RIT2: variants seen among roughly 807,000 people sequenced by gnomAD.
RIT2 encodes GTP-binding protein Rit2.
In RIT2, 24 loss-of-function variants were observed where a neutral mutation model predicts 23.7. The ratio of observed to expected loss-of-function variants is 1.01; its 90% CI spans 0.73 to 1.43. RIT2 has a LOEUF of 1.43. Among genes scored for constraint, RIT2 ranks in the 40% most tolerant of loss-of-function variants. RIT2 has a pLI of 0.00. For synonymous variants in RIT2, 107 were observed against 91.1 expected, an observed-to-expected ratio of 1.17 and a Z score of -0.99; for missense variants, 236 against 266.9, an observed-to-expected ratio of 0.88 and a Z score of 0.81.
At chr18:42,991,243 T>C (rs1045259472) in intron 2 of RIT2, among the ~76,000 whole-genome samples, 2 of 151,998 alleles carry the variant, frequency 1.3e-5, no homozygotes, top group Admixed American at 6.6e-5. Flanking sequence ...CCAATGAAAA[T>C]GTTGATTCAA....
At position 42,920,630 on chromosome 18, in the gene RIT2, T is replaced by C; in HGVS notation, c.426+2942A>G. ...CGTTGTCTTTTTGTTTTTTTTCTTTTTATCTTTTTTAGAAAGGGCCCTGGG... is the reference window on the plus strand; with the variant it reads ...CGTTGTCTTTTTGTTTTTTTTCTTTCTATCTTTTTTAGAAAGGGCCCTGGG... On this transcript the variant is annotated intron_variant, in intron 4 of 4. Coordinates refer to ENST00000326695, the MANE Select transcript of RIT2 (RefSeq NM_002930.4). 6 of 1,103,092 alleles carry C rather than the reference T, an allele frequency of 5.4e-6. 1 individual carries two copies. The South Asian group carries it at 8.1e-5, about 15-fold the overall frequency. The allele number at this position is 1,103,092 out of a possible 1,614,324, so 68.3% of individuals were successfully genotyped here.
At chr18:42,800,989 G>A (rs567153048) in intron 4 of RIT2, among the ~76,000 whole-genome samples, 17 of 151,914 alleles carry the variant, frequency 1.1e-4, no homozygotes, top group Non-Finnish European at 2.1e-4. Flanking sequence ...GTAGGTTTCC[G>A]TAGCACCAAT....
chr18:42,989,579 T>G lies in RIT2; in HGVS notation c.161-15432A>C, dbSNP rs151287288. ...CATTAATTTTCTTACACTAAGTTAT[T>G]AAAAGCCATGGTTCATATTACACTT... is the stretch of plus-strand genomic sequence containing the variant. On this transcript the variant is annotated intron_variant, in intron 2 of 4. Transcript: ENST00000326695. Among the ~76,000 whole-genome samples, 491 of 152,292 alleles carry G rather than the reference T, an allele frequency of 3.2e-3. 4 individuals are homozygous for G. The highest frequency in any genetic ancestry group is 0.011 in the African/African-American group (477 of 41,566).
At chr18:43,094,135 T>TTTTTTTTTTTTTTTTTTTG (rs1568080522) in intron 1 of RIT2, among the ~76,000 whole-genome samples, 1 of 145,512 alleles carries the variant, frequency 6.9e-6, no homozygotes. Context: ...TTTTTTTTTT[T>TTTTTTTTTTTTTTTTTTTG]TTTTTCACTT....
intron 3 of RIT2, among the ~76,000 whole-genome samples, chr18:42,970,450 G>T (rs1027719010): frequency 1.3e-5 from 2 of 151,980 alleles, no homozygotes; most frequent in African/African-American, 4.8e-5. Context: ...TGGGATTATT[G>T]TGGCACTGCA....
chr18:42,849,637 G>A (rs1171523421), intron 4 of RIT2, among the ~76,000 whole-genome samples: 1 of 152,182 alleles, frequency 6.6e-6, no homozygotes, highest in African/African-American at 2.4e-5. Flanking sequence ...AAGTTTGAGA[G>A]TGGACTTCAA....
At chr18:42,993,505 C>A (rs967335437) in intron 2 of RIT2, among the ~76,000 whole-genome samples, 5 of 152,158 alleles carry the variant, frequency 3.3e-5, no homozygotes, top group Non-Finnish European at 4.4e-5. Context: ...GTTTCCCTTG[C>A]CTCCATAACT....
intron 1 of RIT2, among the ~76,000 whole-genome samples, chr18:43,110,921 T>G (rs1229211397): frequency 6.6e-6 from 1 of 152,138 alleles, no homozygotes; most frequent in African/African-American, 2.4e-5. Flanking sequence ...ATATTTACTA[T>G]AGGAAAACAA....
intron 3 of RIT2, among the ~76,000 whole-genome samples, chr18:42,945,707 T>C (rs968442270): frequency 6.6e-6 from 1 of 152,148 alleles, no homozygotes; most frequent in African/African-American, 2.4e-5. Context: ...TTTTAAAACA[T>C]GCATGCATTT....
intron 3 of RIT2, among the ~76,000 whole-genome samples, chr18:42,951,351 C>A (rs757892727): frequency 1.3e-5 from 2 of 151,968 alleles, no homozygotes; most frequent in Non-Finnish European, 2.9e-5. Context: ...CATATGTTCT[C>A]ACTTACAAGT....
chr18:43,074,975 G>C (rs983531107), intron 1 of RIT2, among the ~76,000 whole-genome samples: 2 of 152,118 alleles, frequency 1.3e-5, no homozygotes, highest in Non-Finnish European at 2.9e-5. Flanking sequence ...TGGGTTGATA[G>C]ATGCAGCAAA....
intron 1 of RIT2, among the ~76,000 whole-genome samples, chr18:43,036,339 A>G (rs975215040): frequency 6.6e-6 from 1 of 152,298 alleles, no homozygotes; most frequent in East Asian, 1.9e-4. Context: ...CAGGAGTCCT[A>G]GAACAGCCTG....
chr18:42,856,827 CT>C (rs756725926), intron 4 of RIT2, among the ~76,000 whole-genome samples: 115 of 114,614 alleles, frequency 1.0e-3, no homozygotes, highest in Admixed American at 1.6e-3. Context: ...CTCTCTCTCT[CT>C]TTTTTTTTTT....
Position 42,950,290 on chromosome 18 carries a change from T to C in RIT2, c.234+23784A>G, listed in dbSNP as rs1206064775. 2.6e-5 allele frequency among the ~76,000 whole-genome samples: 4 copies of C among 151,924 alleles called. No individual in the cohort carries two copies. In the South Asian group the frequency reaches 6.2e-4, roughly 24 times the overall value. On this transcript the variant is annotated intron_variant, in intron 3 of 4. Transcript: ENST00000326695. ...CTGATCTTCAACAAAAAATAAACAA[T>C]GGGGAATGGACTCCTTATTCAATAA...
At chr18:42,797,763 G>T (rs1240976360) in intron 4 of RIT2, among the ~76,000 whole-genome samples, 4 of 152,134 alleles carry the variant, frequency 2.6e-5, no homozygotes, top group African/African-American at 9.7e-5. Context: ...TAGAAAGCAT[G>T]GAAAACAACA....
At chr18:43,055,727 C>T (rs1912485932) in intron 1 of RIT2, among the ~76,000 whole-genome samples, 1 of 151,806 alleles carries the variant, frequency 6.6e-6, no homozygotes, top group African/African-American at 2.4e-5. Flanking sequence ...TTATTTAGTA[C>T]CAAGGATGGT....
chr18:43,011,267 T>G (rs1911344330), intron 2 of RIT2, among the ~76,000 whole-genome samples: 1 of 151,046 alleles, frequency 6.6e-6, no homozygotes, highest in Non-Finnish European at 1.5e-5. Flanking sequence ...ATCAGGAGAG[T>G]GGAACAGAAT....
intron 3 of RIT2, among the ~76,000 whole-genome samples, chr18:42,953,010 C>T (rs1056292966): frequency 4.6e-5 from 7 of 151,038 alleles, no homozygotes; most frequent in African/African-American, 1.5e-4. Flanking sequence ...GAATAAATCA[C>T]GTTGTTTTTC....
intron 2 of RIT2, among the ~76,000 whole-genome samples, chr18:42,976,216 A>C (rs530663395): frequency 1.1e-3 from 169 of 152,164 alleles, no homozygotes; most frequent in African/African-American, 1.4e-3. Flanking sequence ...GTAGCACCTA[A>C]ATTGAGTAGG....
Sources: allele counts gnomAD v4.1 joint callset (sites outside exome capture counted in the v4.1 genomes callset), GRCh38; gene constraint gnomAD v4.1.1; transcripts MANE v1.5; gene names NCBI Gene and HGNC (gene_info 2026-07-23, HGNC 2026-07-21).